Variants in SPTBN1 observed in about 807,000 individuals in gnomAD.
SPTBN1 encodes spectrin beta, non-erythrocytic 1.
SPTBN1 carries 32 observed loss-of-function variants against 266.4 expected under a neutral mutation model. The observed-to-expected ratio is 0.12, with a 90% confidence interval of 0.09 to 0.16. The LOEUF is 0.16. SPTBN1 is among the 10% of genes least tolerant of loss of function. The pLI is 1.00. For synonymous variants in SPTBN1, 1,336 were observed against 1,162.2 expected, an observed-to-expected ratio of 1.15 and a Z score of -3.04; for missense variants, 2,296 against 3,067.1, an observed-to-expected ratio of 0.75 and a Z score of 5.94.
chr2:54,643,295 C>T (rs1292358992), intron 19 of SPTBN1, among the ~76,000 whole-genome samples, 166 bp downstream of exon 19: 2 of 152,144 alleles, frequency 1.3e-5, no homozygotes, highest in Admixed American at 6.5e-5. Context: ...CTGACTTCAA[C>T]CCATCAAAAG....
chr2:54,498,206 A>G (rs1043118965), intron 1 of SPTBN1, among the ~76,000 whole-genome samples: 4 of 152,228 alleles, frequency 2.6e-5, no homozygotes, highest in African/African-American at 9.6e-5. Context: ...AGCATAGACT[A>G]AGTGCTTCCA....
At chr2:54,620,762 TGGAAAAAAGGGAA>T (rs1397570008) in intron 7 of SPTBN1, among the ~76,000 whole-genome samples, 1 of 152,104 alleles carries the variant, frequency 6.6e-6, no homozygotes, top group East Asian at 1.9e-4. Flanking sequence ...GACAAATTGA[TGGAAAAAAGGGAA>T]GGAAAGTTAT....
At chr2:54,543,161 T>G (rs1345561236) in intron 2 of SPTBN1, among the ~76,000 whole-genome samples, 1 of 152,194 alleles carries the variant, frequency 6.6e-6, no homozygotes, top group Non-Finnish European at 1.5e-5. Context: ...GAGTCCCACA[T>G]GAGGTCCCTG....
chr2:54,468,094 G>A (rs1168948797), intron 1 of SPTBN1, among the ~76,000 whole-genome samples: 1 of 152,094 alleles, frequency 6.6e-6, no homozygotes, highest in Admixed American at 6.5e-5. Context: ...AGATCATGAG[G>A]TCAGGAGTTT....
intron 2 of SPTBN1, among the ~76,000 whole-genome samples, chr2:54,559,196 T>G (rs1056740197): frequency 6.6e-6 from 1 of 152,154 alleles, no homozygotes; most frequent in Non-Finnish European, 1.5e-5. Flanking sequence ...CATAGACTTA[T>G]TAGTATGCAG....
At chr2:54,619,540 G>C (rs1265731093) in intron 7 of SPTBN1, among the ~76,000 whole-genome samples, 2 of 152,336 alleles carry the variant, frequency 1.3e-5, no homozygotes, top group South Asian at 4.1e-4. Flanking sequence ...AAAAATGGCA[G>C]CTGATTTCAC....
At chr2:54,584,361 T>C (rs1675143124) in intron 2 of SPTBN1, among the ~76,000 whole-genome samples, 1 of 152,240 alleles carries the variant, frequency 6.6e-6, no homozygotes, top group African/African-American at 2.4e-5. Context: ...TAGTGCACAT[T>C]CTGTACATCT....
Position 54,645,774 on chromosome 2 carries a change from G to A in SPTBN1, c.4495-154G>A, listed in dbSNP as rs1679888066. ...AGACTCTCCCTAGCCCTGTCTCGGA[G>A]AACAAGGGCGTGCTTCCCCAGACAG... On this transcript the variant is annotated intron_variant, in intron 21 of 35. Coordinates refer to ENST00000356805, the MANE Select transcript of SPTBN1 (RefSeq NM_003128.3). This position sits in a 1 kb window ranked among gnomAD's most constrained non-coding sequence, Gnocchi z 4.3. Among the ~76,000 whole-genome samples the A allele has an allele frequency of 6.6e-6, 1 of 152,210 alleles. No homozygotes were observed. Among genetic ancestry groups the A allele is most frequent in the Admixed American group, 6.5e-5 (1 of 15,286 alleles).
At chr2:54,590,964 A>T (rs1312804904) in intron 2 of SPTBN1, among the ~76,000 whole-genome samples, 2 of 152,230 alleles carry the variant, frequency 1.3e-5, no homozygotes, top group Non-Finnish European at 2.9e-5. Context: ...GAATGCGGAG[A>T]GAGGCCCAAG....
At chr2:54,534,650 G>A (rs975514097) in intron 2 of SPTBN1, among the ~76,000 whole-genome samples, 2 of 152,144 alleles carry the variant, frequency 1.3e-5, no homozygotes, top group Non-Finnish European at 2.9e-5. Flanking sequence ...TCCTCTGTCT[G>A]TTCACCACTA....
intron 2 of SPTBN1, among the ~76,000 whole-genome samples, chr2:54,562,694 C>CTT (rs1464461872): frequency 2.7e-4 from 18 of 65,850 alleles, no homozygotes; most frequent in African/African-American, 1.8e-3. Flanking sequence ...CCAAACCCTG[C>CTT]TTTGTGTGTG....
chr2:54,483,606 G>A (rs1267165734), intron 1 of SPTBN1, among the ~76,000 whole-genome samples: 1 of 152,168 alleles, frequency 6.6e-6, no homozygotes, highest in African/African-American at 2.4e-5. Flanking sequence ...CTCCCCAGGA[G>A]CAGATTTCTG....
chr2:54,513,569 C>G (rs1456018404), intron 1 of SPTBN1, among the ~76,000 whole-genome samples: 1 of 152,192 alleles, frequency 6.6e-6, no homozygotes, highest in African/African-American at 2.4e-5. Context: ...TAGAACTATA[C>G]TCTAATGTAA....
At chr2:54,503,347 G>C (rs1284221770) in intron 1 of SPTBN1, among the ~76,000 whole-genome samples, 2 of 152,164 alleles carry the variant, frequency 1.3e-5, no homozygotes, top group Admixed American at 6.5e-5. Flanking sequence ...GGGTCTCATT[G>C]CTCATCTGGT....
Position 54,631,069 on chromosome 2 carries a change from A to G in SPTBN1, c.3022A>G (p.Ile1008Val). 3 of 1,614,014 alleles carry G rather than the reference A, an allele frequency of 1.9e-6. No homozygotes were observed. The highest frequency in any genetic ancestry group is 2.5e-6 in the Non-Finnish European group (3 of 1,179,890). ...CGGCATGGAGCGGGACTTGGTGGCC[A>G]TTGAGGCAAAGCTGAGTGACCTGCA... ...LTGMERDLVA[I>V]EAKLSDLQKE... Residue 1008 changes from isoleucine to valine, a missense_variant, in exon 16 of 36, where the codon ATT becomes GTT. Around this residue, in one of 12 missense-constraint regions of SPTBN1, gnomAD observed 128 missense variants for 176.5 expected, o/e 0.73. Coordinates refer to ENST00000356805, the MANE Select transcript of SPTBN1 (RefSeq NM_003128.3).
chr2:54,529,059 T>G (rs2104338890), intron 2 of SPTBN1, among the ~76,000 whole-genome samples: 1 of 152,334 alleles, frequency 6.6e-6, no homozygotes, highest in Admixed American at 6.5e-5. Context: ...AACAATTCAG[T>G]AGTGTCTGGA....
chr2:54,648,869 C>T (rs372403316), intron 24 of SPTBN1, 117 bp from the exon 25 acceptor site: 11 of 1,014,958 alleles, frequency 1.1e-5, no homozygotes, highest in Admixed American at 8.5e-5. Context: ...ACCAGAGTTT[C>T]CTTTGAGAAA....
chr2:54,592,033 G>T lies in SPTBN1; in HGVS notation c.149-7059G>T, dbSNP rs1448898624. Reference sequence around the variant, plus strand: ...AAAAAATGAAAAAGCCAGGTGTGATGGTGCATGCCTGTAATCCTAGTTACT... The same window carrying T: ...AAAAAATGAAAAAGCCAGGTGTGATTGTGCATGCCTGTAATCCTAGTTACT... On this transcript the variant is annotated intron_variant, in intron 2 of 35. Coordinates refer to ENST00000356805, the MANE Select transcript of SPTBN1 (RefSeq NM_003128.3). Among the ~76,000 whole-genome samples, 11 of 152,228 alleles carry T rather than the reference G, an allele frequency of 7.2e-5. No homozygotes were observed. In the East Asian group the frequency reaches 2.1e-3, roughly 29 times the overall value.
Position 54,645,521 on chromosome 2 carries a change from C to A in SPTBN1, c.4494+68C>A. The A allele has an allele frequency of 6.6e-7, 1 of 1,521,130 alleles. No homozygotes were observed. Among genetic ancestry groups the A allele is most frequent in the Admixed American group, 1.8e-5 (1 of 54,102 alleles). 94.2% of individuals were successfully genotyped at this position (1,521,130 alleles called of 1,614,324 possible). On this transcript the variant is annotated intron_variant, in intron 21 of 35. Transcript: ENST00000356805. The surrounding 1 kb of genome is among the most constrained non-coding windows in gnomAD (Gnocchi z 4.3). ...CCTTGCCTGTGCTAAAGCCCACATTCTCACTTCTCAGTCATCCTCACCTTG... is the reference window on the plus strand; with the variant it reads ...CCTTGCCTGTGCTAAAGCCCACATTATCACTTCTCAGTCATCCTCACCTTG...
Sources: allele counts gnomAD v4.1 joint callset (sites outside exome capture counted in the v4.1 genomes callset), GRCh38; gene constraint gnomAD v4.1.1; regional missense constraint gnomAD v4.1.1; non-coding constraint Gnocchi (gnomAD v3.1); transcripts MANE v1.5; gene names NCBI Gene and HGNC (gene_info 2026-07-23, HGNC 2026-07-21).